The following CCDC73 variants were observed in gnomAD, a reference collection of about 807,000 sequenced individuals.
CCDC73 encodes coiled-coil domain containing 73.
A neutral mutation model predicts 116.5 loss-of-function variants in CCDC73; 95 were observed. The ratio of observed to expected loss-of-function variants is 0.82; its 90% CI spans 0.69 to 0.97. The LOEUF (loss-of-function observed/expected upper bound fraction) is 0.97, where lower values mean the gene tolerates loss of function less well. CCDC73 is among the 50% of genes least tolerant of loss of function. CCDC73 has a pLI of 0.00. For synonymous variants in CCDC73, 398 were observed against 401.3 expected (o/e 0.99, Z 0.10); for missense variants, 1,066 against 1,206.8 (o/e 0.88, Z 1.73).
chr11:32,715,100 C>T (rs1389882232), intron 3 of CCDC73, among the ~76,000 whole-genome samples: 2 of 152,128 alleles, frequency 1.3e-5, no homozygotes, highest in Non-Finnish European at 2.9e-5. Flanking sequence ...TATTTGCAGG[C>T]TTTTGTTCTT....
At chr11:32,810,504 G>A in the CCDC73 span, among the ~76,000 whole-genome samples, 1 of 152,152 alleles carries the variant, frequency 6.6e-6, no homozygotes, top group East Asian at 1.9e-4. Context: ...TTGGGTTCCT[G>A]ACTCTTAAAC....
In CCDC73 at chr11:32,765,603, C is replaced by T. The variant is rs377702546; in HGVS notation, c.-15-5345G>A. ...ACAACATACCAGAATCTCTGGGACA[C>T]ATTTAAAGCAGTGTGTAAAGGGAAA... On this transcript the variant is annotated intron_variant, in intron 1 of 17. Coordinates refer to ENST00000335185, the MANE Select transcript of CCDC73 (RefSeq NM_001008391.4). Among the ~76,000 whole-genome samples the T allele has an allele frequency of 2.0e-5, 3 of 152,302 alleles. No individual in the cohort carries two copies. The East Asian group carries it at 5.8e-4, about 29-fold the overall frequency.
At chr11:32,711,299 C>T (rs542349538) in intron 3 of CCDC73, among the ~76,000 whole-genome samples, 1 of 152,026 alleles carries the variant, frequency 6.6e-6, no homozygotes, top group Non-Finnish European at 1.5e-5. Flanking sequence ...GGTTTCAACC[C>T]AGAGGAAAAG....
chr11:32,659,800 A>G lies in CCDC73; in HGVS notation c.646-4828T>C, dbSNP rs117760083. On this transcript the variant is annotated intron_variant, in intron 9 of 17. Coordinates refer to ENST00000335185, the MANE Select transcript of CCDC73 (RefSeq NM_001008391.4). ...GGATACTCGATATAGTTCAATATAG[A>G]CTAGTTATTTTCATGTCTCCACTTT... 9.0e-3 allele frequency among the ~76,000 whole-genome samples: 1,377 copies of G among 152,258 alleles called. 14 individuals are homozygous for G. The highest frequency in any genetic ancestry group is 0.012 in the Non-Finnish European group (795 of 68,030).
the CCDC73 span, among the ~76,000 whole-genome samples, chr11:32,829,254 C>T: frequency 6.6e-6 from 1 of 152,206 alleles, no homozygotes; most frequent in Non-Finnish European, 1.5e-5. Flanking sequence ...CAAGCACGCT[C>T]ACTCAGGTAT....
chr11:32,603,065 AG>A, intron 17 of CCDC73, 45 bp from the exon 18 acceptor site: 1 of 1,466,826 alleles, frequency 6.8e-7, no homozygotes, highest in South Asian at 1.3e-5. Context: ...ATTATACAAA[AG>A]ATTTTAAAGA....
chr11:32,766,952 C>T (rs181696092), intron 1 of CCDC73, among the ~76,000 whole-genome samples: 1 of 152,194 alleles, frequency 6.6e-6, no homozygotes, highest in Non-Finnish European at 1.5e-5. Flanking sequence ...ACTTTCTTCA[C>T]AGAATTGGAA....
At position 32,778,933 on chromosome 11, in the gene CCDC73, C is replaced by G. The variant is rs1850559604; in HGVS notation, c.-16+15680G>C. On this transcript the variant is annotated intron_variant, in intron 1 of 17. Transcript: ENST00000335185. Reference sequence around the variant, plus strand: ...CTTGGTAAACTTTAAAAATGTATAACTGGAGTTATGAGTGTTATGGAAGGA... The same window carrying G: ...CTTGGTAAACTTTAAAAATGTATAAGTGGAGTTATGAGTGTTATGGAAGGA... Among the ~76,000 whole-genome samples the G allele has an allele frequency of 3.3e-5, 5 of 151,944 alleles. No individual in the cohort carries two copies. In the South Asian group the frequency reaches 1.0e-3, roughly 32 times the overall value.
chr11:32,717,172 C>T lies in CCDC73; in HGVS notation c.207+904G>A, dbSNP rs544768851. 8.4e-4 allele frequency among the ~76,000 whole-genome samples: 128 copies of T among 152,220 alleles called. 5 individuals carry two copies. In the South Asian group the frequency reaches 0.024, roughly 29 times the overall value. On this transcript the variant is annotated intron_variant, in intron 3 of 17. Transcript: ENST00000335185. ...CACCTGACTTCTGATTCTGATGTTA[C>T]CCCCAATTCCTGTTTCAATATTACC... is the stretch of plus-strand genomic sequence containing the variant.
intron 1 of CCDC73, among the ~76,000 whole-genome samples, chr11:32,786,416 A>G (rs1046338734): frequency 1.7e-5 from 2 of 116,408 alleles, no homozygotes; most frequent in African/African-American, 7.2e-5. Flanking sequence ...TAAATATATT[A>G]TTTATATAAT....
intron 1 of CCDC73, among the ~76,000 whole-genome samples, chr11:32,773,603 G>T (rs1850508440): frequency 6.6e-6 from 1 of 151,792 alleles, no homozygotes; most frequent in East Asian, 1.9e-4. Flanking sequence ...AATACAGTGA[G>T]ACCCCCATCT....
chr11:32,642,053 C>T lies in CCDC73; in HGVS notation c.969G>A (p.Arg323=), dbSNP rs1855737855. The T allele has an allele frequency of 1.9e-6, 3 of 1,565,154 alleles. No individual in the cohort carries two copies. The highest frequency in any genetic ancestry group is 2.6e-6 in the Non-Finnish European group (3 of 1,155,070). The change falls in exon 13 of 18, where the codon AGG becomes AGA. Residue 323 remains arginine (R), a synonymous_variant. Transcript: ENST00000335185. ...TTTCTTCATTTTCTTTTACCTTCTC[C>T]CTTTGCAGCTCATTATCTCTTTCAA... ...QTLERDNELQ[R]EKVKENEEKF...
chr11:32,744,343 C>CGAA (rs1317256558), intron 2 of CCDC73, among the ~76,000 whole-genome samples: 2 of 152,202 alleles, frequency 1.3e-5, no homozygotes, highest in Non-Finnish European at 2.9e-5. Flanking sequence ...CACTGATGTT[C>CGAA]ATCAGGGATA....
At chr11:32,631,918 T>G (rs1231957367) in intron 14 of CCDC73, among the ~76,000 whole-genome samples, 2 of 152,194 alleles carry the variant, frequency 1.3e-5, no homozygotes, top group African/African-American at 2.4e-5. Context: ...GATTTTGCTA[T>G]GTTGTCCATG....
chr11:32,816,644 G>A, the CCDC73 span, among the ~76,000 whole-genome samples: 1 of 152,166 alleles, frequency 6.6e-6, no homozygotes, highest in African/African-American at 2.4e-5. Context: ...GTGCTGTGGA[G>A]AGGGAAGACA....
chr11:32,683,651 T>C, intron 6 of CCDC73, 77 bp from the exon 7 acceptor site: 1 of 842,342 alleles, frequency 1.2e-6, no homozygotes, highest in African/African-American at 1.7e-5. Context: ...CAAAAGTGCG[T>C]GCTATAAAAT....
the CCDC73 span, among the ~76,000 whole-genome samples, chr11:32,824,143 C>T: frequency 6.6e-6 from 1 of 152,106 alleles, no homozygotes; most frequent in Non-Finnish European, 1.5e-5. Flanking sequence ...AATCTGCCTG[C>T]TTCAGATTCC....
chr11:32,713,180 A>G (rs1849917047), intron 3 of CCDC73, among the ~76,000 whole-genome samples: 1 of 151,934 alleles, frequency 6.6e-6, no homozygotes, highest in African/African-American at 2.4e-5. Flanking sequence ...AGTGAAATGG[A>G]AAAAATATCA....
chr11:32,653,740 CATAA>C, intron 11 of CCDC73, among the ~76,000 whole-genome samples: 1 of 152,108 alleles, frequency 6.6e-6, no homozygotes, highest in South Asian at 2.1e-4. Context: ...ATGCACTACA[CATAA>C]ATAAACTTCA....
Sources: allele counts gnomAD v4.1 joint callset (sites outside exome capture counted in the v4.1 genomes callset), GRCh38; gene constraint gnomAD v4.1.1; transcripts MANE v1.5; gene names NCBI Gene and HGNC (gene_info 2026-07-23, HGNC 2026-07-21).